PTPRG: variants seen among roughly 807,000 people sequenced by gnomAD.
PTPRG encodes the protein receptor-type tyrosine-protein phosphatase gamma.
PTPRG carries 102 observed loss-of-function variants against 165.3 expected under a neutral mutation model. The observed-to-expected ratio is 0.62, with a 90% CI of 0.53 to 0.73. The LOEUF is 0.73. Among genes scored for constraint, PTPRG ranks in the 30% least tolerant of loss-of-function variants. The pLI is 0.00. For missense variants in PTPRG, 1,866 were observed against 1,861.4 expected (o/e 1.00, Z -0.05); for synonymous variants, 675 against 669.5 (o/e 1.01, Z -0.13).
At position 61,598,841 on chromosome 3, in the gene PTPRG, C is replaced by T. The variant is rs1481670237; in HGVS notation, c.85+36469C>T. Reference sequence around the variant, plus strand: ...GGTGGTCTTTTGACATTCTTTGGCCCGCGGAAGCACCATACCGACGTAATT... The same window carrying T: ...GGTGGTCTTTTGACATTCTTTGGCCTGCGGAAGCACCATACCGACGTAATT... On this transcript the variant is annotated intron_variant, in intron 1 of 29. Transcript: ENST00000474889. 3.3e-5 allele frequency among the ~76,000 whole-genome samples: 5 copies of T among 151,972 alleles called. No individual in the cohort carries two copies. The South Asian group carries it at 6.2e-4, about 19-fold the overall frequency.
At chr3:61,833,806 G>C (rs1194003433) in intron 2 of PTPRG, among the ~76,000 whole-genome samples, 1 of 152,114 alleles carries the variant, frequency 6.6e-6, no homozygotes, top group Non-Finnish European at 1.5e-5. Flanking sequence ...CTAAGGCAGT[G>C]TGCCCGCCTC....
intron 2 of PTPRG, among the ~76,000 whole-genome samples, chr3:61,861,811 G>A (rs1264722036): frequency 6.6e-6 from 1 of 152,166 alleles, no homozygotes; most frequent in Non-Finnish European, 1.5e-5. Context: ...GCCGATGCCC[G>A]TGGGTTTGAT....
At chr3:61,792,227 G>A (rs887177631) in intron 2 of PTPRG, among the ~76,000 whole-genome samples, 4 of 151,888 alleles carry the variant, frequency 2.6e-5, no homozygotes, top group Admixed American at 1.3e-4. Flanking sequence ...GGAAGGACCA[G>A]TTCTTATTCT....
intron 2 of PTPRG, among the ~76,000 whole-genome samples, chr3:61,824,139 A>C (rs1160868845): frequency 6.6e-6 from 1 of 151,832 alleles, no homozygotes; most frequent in Non-Finnish European, 1.5e-5. Context: ...AAAAAAAAAA[A>C]GATGATGAAA....
At chr3:61,564,005 AC>A (rs1244831690) in intron 1 of PTPRG, among the ~76,000 whole-genome samples, 1 of 151,170 alleles carries the variant, frequency 6.6e-6, no homozygotes, top group Non-Finnish European at 1.5e-5. Flanking sequence ...GTCCACACTC[AC>A]CCTGGGGTTT....
At chr3:61,613,451 G>A (rs1395001920) in intron 1 of PTPRG, among the ~76,000 whole-genome samples, 1 of 152,202 alleles carries the variant, frequency 6.6e-6, no homozygotes, top group Non-Finnish European at 1.5e-5. Flanking sequence ...GACATGCAGG[G>A]GTGAAAGGGA....
At chr3:61,843,758 G>T (rs2036720482) in intron 2 of PTPRG, among the ~76,000 whole-genome samples, 1 of 151,324 alleles carries the variant, frequency 6.6e-6, no homozygotes, top group Non-Finnish European at 1.5e-5. Flanking sequence ...CTAACAGAGT[G>T]AAAGTAAAAA....
chr3:61,640,187 T>C (rs185775590), intron 1 of PTPRG, among the ~76,000 whole-genome samples: 1 of 152,334 alleles, frequency 6.6e-6, no homozygotes, highest in African/African-American at 2.4e-5. Context: ...TTGTCCATGA[T>C]TGACAGCTTG....
chr3:61,952,614 C>G (rs948219398), intron 2 of PTPRG, among the ~76,000 whole-genome samples: 1 of 152,170 alleles, frequency 6.6e-6, no homozygotes, highest in Non-Finnish European at 1.5e-5. Flanking sequence ...CGCCGGAGTT[C>G]TCAGGACACC....
chr3:61,769,902 C>T (rs896923323), intron 2 of PTPRG: 5 of 152,076 alleles, frequency 3.3e-5, no homozygotes, highest in African/African-American at 1.2e-4. Flanking sequence ...CCTGGGGAGT[C>T]AGGGGCAGAC....
intron 1 of PTPRG, among the ~76,000 whole-genome samples, chr3:61,718,003 A>AT (rs1440847482): frequency 6.6e-6 from 1 of 151,244 alleles, no homozygotes; most frequent in Non-Finnish European, 1.5e-5. Context: ...AACATGGTGA[A>AT]ACCCTGTCTC....
chr3:61,887,258 A>G (rs2038077722), intron 2 of PTPRG, among the ~76,000 whole-genome samples: 1 of 150,846 alleles, frequency 6.6e-6, no homozygotes, highest in Non-Finnish European at 1.5e-5. Context: ...GAAAAAGAAA[A>G]TTCACAGGAC....
At chr3:62,046,910 C>G (rs7637898) in intron 4 of PTPRG, among the ~76,000 whole-genome samples, 2 of 152,120 alleles carry the variant, frequency 1.3e-5, no homozygotes, top group African/African-American at 4.8e-5. Flanking sequence ...GGATGCAAGA[C>G]TGTGCACTGA....
chr3:62,138,920 T>C (rs1289625775), intron 6 of PTPRG, among the ~76,000 whole-genome samples: 1 of 152,164 alleles, frequency 6.6e-6, no homozygotes, highest in African/African-American at 2.4e-5. Flanking sequence ...GCTGTTTGTG[T>C]ACATACACAT....
chr3:61,738,261 TATATATATATATATATACA>T (rs2032804777), intron 1 of PTPRG, among the ~76,000 whole-genome samples: 1 of 36,092 alleles, frequency 2.8e-5, no homozygotes. Context: ...TCCATTTTTA[TATATATATATATATATACA>T]TATATATATA....
chr3:61,693,262 C>T (rs4688657), intron 1 of PTPRG, among the ~76,000 whole-genome samples: 151,096 of 152,318 alleles, frequency 0.99, 74,952 homozygotes, highest in Middle Eastern at 1. Context: ...GAATAAATGA[C>T]TTTTATGTTC....
chr3:61,655,153 A>G (rs1702475399), intron 1 of PTPRG, among the ~76,000 whole-genome samples: 1 of 152,112 alleles, frequency 6.6e-6, no homozygotes, highest in African/African-American at 2.4e-5. Flanking sequence ...GTCATCCTGC[A>G]GGTGGAATGG....
intron 1 of PTPRG, among the ~76,000 whole-genome samples, chr3:61,626,915 T>C (rs745907671): frequency 6.6e-6 from 1 of 152,172 alleles, no homozygotes; most frequent in Non-Finnish European, 1.5e-5. Context: ...ATGGGACACC[T>C]GGATGCAATC....
chr3:62,025,258 A>G (rs2041780094), intron 4 of PTPRG, among the ~76,000 whole-genome samples: 1 of 152,190 alleles, frequency 6.6e-6, no homozygotes, highest in Admixed American at 6.5e-5. Context: ...ATATATAGCA[A>G]CACATATTTT....
Sources: allele counts gnomAD v4.1 joint callset (sites outside exome capture counted in the v4.1 genomes callset), GRCh38; gene constraint gnomAD v4.1.1; transcripts MANE v1.5; gene names NCBI Gene and HGNC (gene_info 2026-07-23, HGNC 2026-07-21).